The following FOXP1 variants were observed in gnomAD, a reference collection of about 807,000 sequenced individuals.
FOXP1 encodes the protein forkhead box protein P1.
Under a neutral mutation model 98.2 loss-of-function variants are expected in FOXP1, and 15 were observed. The ratio of observed to expected loss-of-function variants is 0.15; its 90% CI spans 0.10 to 0.24. The LOEUF is 0.24. Ranked by LOEUF, FOXP1 falls within the 10% of genes least tolerant of loss-of-function variation. FOXP1 has a pLI of 1.00. For missense variants in FOXP1, 633 were observed against 848.5 expected (o/e 0.75, Z 3.15); for synonymous variants, 371 against 314.5 (o/e 1.18, Z -1.90).
intron 13 of FOXP1, among the ~76,000 whole-genome samples, chr3:70,998,519 G>C (rs1383567863): frequency 1.3e-5 from 2 of 152,124 alleles, no homozygotes; most frequent in South Asian, 4.1e-4. Context: ...AATGGAACAC[G>C]TCAGAATTAG....
intron 7 of FOXP1, among the ~76,000 whole-genome samples, chr3:71,101,209 C>T (rs1351975279): frequency 2.6e-5 from 4 of 152,100 alleles, no homozygotes; most frequent in African/African-American, 9.7e-5. Context: ...ATGACTGTGA[C>T]TAATAAGACC....
chr3:71,581,072 G>C (rs964721810), intron 2 of FOXP1: 2 of 963,826 alleles, frequency 2.1e-6, no homozygotes, highest in African/African-American at 3.5e-5. Flanking sequence ...GTGGGGTGGG[G>C]AGGTAGGGAA....
intron 6 of FOXP1, among the ~76,000 whole-genome samples, chr3:71,171,071 C>T (rs1490961103): frequency 6.6e-6 from 1 of 151,662 alleles, no homozygotes; most frequent in Non-Finnish European, 1.5e-5. Flanking sequence ...ATCCAGCCTT[C>T]CATCCATTCA....
intron 2 of FOXP1, chr3:71,542,167 AAAC>A (rs1300305458): frequency 2.1e-4 from 85 of 411,768 alleles, no homozygotes; most frequent in African/African-American, 1.8e-3. Flanking sequence ...TCTGTGAAAA[AAAC>A]AACACCCTTA....
intron 4 of FOXP1, among the ~76,000 whole-genome samples, chr3:71,328,230 A>T (rs548091252): frequency 3.8e-4 from 58 of 152,104 alleles, no homozygotes; most frequent in Non-Finnish European, 6.3e-4. Context: ...GGAGTTCAAG[A>T]CCAGCTTGGC....
chr3:71,277,528 C>T (rs953879908), intron 5 of FOXP1, among the ~76,000 whole-genome samples: 1 of 152,146 alleles, frequency 6.6e-6, no homozygotes, highest in African/African-American at 2.4e-5. Context: ...CAAATGACAG[C>T]ATGCTCTACA....
At chr3:71,421,317 A>C (rs2083627869) in intron 3 of FOXP1, among the ~76,000 whole-genome samples, 1 of 152,248 alleles carries the variant, frequency 6.6e-6, no homozygotes, top group Non-Finnish European at 1.5e-5. Flanking sequence ...AGGTGAATTT[A>C]GCTAGGCGAT....
At chr3:71,095,416 C>T (rs56841225) in intron 7 of FOXP1, among the ~76,000 whole-genome samples, 1 of 151,976 alleles carries the variant, frequency 6.6e-6, no homozygotes, top group Non-Finnish European at 1.5e-5. Flanking sequence ...AATTCCAGAA[C>T]AGTTGTAGAA....
chr3:71,150,497 A>C (rs534310356), intron 6 of FOXP1, among the ~76,000 whole-genome samples: 10 of 152,238 alleles, frequency 6.6e-5, no homozygotes, highest in Non-Finnish European at 1.0e-4. Context: ...AAAACACAAC[A>C]ACCCTGAAAC....
intron 4 of FOXP1, among the ~76,000 whole-genome samples, chr3:71,321,076 C>T (rs1030275658): frequency 1.3e-5 from 2 of 149,768 alleles, no homozygotes; most frequent in Non-Finnish European, 3.0e-5. Flanking sequence ...CTATGCACCC[C>T]TAATTACCCT....
chr3:71,387,747 T>C (rs2080702561), intron 3 of FOXP1, among the ~76,000 whole-genome samples: 1 of 152,250 alleles, frequency 6.6e-6, no homozygotes. Context: ...ATGGTATTTA[T>C]TAAGGACCCA....
intron 3 of FOXP1, among the ~76,000 whole-genome samples, chr3:71,387,958 G>T (rs902561648): frequency 5.9e-5 from 9 of 152,296 alleles, no homozygotes; most frequent in Non-Finnish European, 1.2e-4. Flanking sequence ...ATAATAAAAA[G>T]AAAAGTTCTG....
intron 2 of FOXP1, among the ~76,000 whole-genome samples, chr3:71,519,147 G>A (rs1420253304): frequency 6.6e-6 from 1 of 152,192 alleles, no homozygotes; most frequent in East Asian, 1.9e-4. Flanking sequence ...TCAGAAGGCC[G>A]AGGCAGGAGA....
chr3:71,286,763 T>G (rs1055198254), intron 5 of FOXP1, among the ~76,000 whole-genome samples: 1 of 152,206 alleles, frequency 6.6e-6, no homozygotes, highest in South Asian at 2.1e-4. Context: ...TCATCAAAGT[T>G]GATACAAACT....
chr3:70,979,100 C>T (rs2038213436), intron 14 of FOXP1, among the ~76,000 whole-genome samples: 1 of 151,018 alleles, frequency 6.6e-6, no homozygotes, highest in South Asian at 2.1e-4. Flanking sequence ...AACTCTGTCT[C>T]CATTAACGCA....
chr3:71,163,260 A>C (rs1398284844), intron 6 of FOXP1, among the ~76,000 whole-genome samples: 6 of 152,204 alleles, frequency 3.9e-5, no homozygotes, highest in African/African-American at 1.4e-4. Context: ...AGGTGAAATT[A>C]ATGTTAAATA....
At chr3:71,348,551 G>A (rs1411803101) in intron 4 of FOXP1, among the ~76,000 whole-genome samples, 5 of 133,502 alleles carry the variant, frequency 3.7e-5, no homozygotes, top group Non-Finnish European at 8.2e-5. Flanking sequence ...GTGTGTGTGC[G>A]TGCGCGCGCG....
chr3:71,524,297 A>G (rs1377920956), intron 2 of FOXP1, among the ~76,000 whole-genome samples: 2 of 152,182 alleles, frequency 1.3e-5, no homozygotes, highest in Admixed American at 6.5e-5. Flanking sequence ...CAGGAAGCAG[A>G]GGTTGCAGTG....
At chr3:71,081,674 G>A (rs2054434894) in intron 7 of FOXP1, among the ~76,000 whole-genome samples, 1 of 152,182 alleles carries the variant, frequency 6.6e-6, no homozygotes, top group South Asian at 2.1e-4. Flanking sequence ...AAGGAGCAGT[G>A]CTTTTTATTT....
Sources: gnomAD v4.1 joint callset for allele counts (sites outside exome capture counted in the v4.1 genomes callset) on GRCh38, gnomAD v4.1.1 for gene constraint, MANE v1.5 for transcripts, NCBI Gene and HGNC (gene_info 2026-07-23, HGNC 2026-07-21) for gene names.